LRRC34: variants seen among roughly 807,000 people sequenced by gnomAD.
LRRC34 encodes the protein leucine-rich repeat-containing protein 34.
LRRC34 carries 44 observed loss-of-function variants against 48.5 expected under a neutral mutation model. That is an observed-to-expected ratio of 0.91 (90% CI 0.71 to 1.17). The LOEUF (loss-of-function observed/expected upper bound fraction) is 1.17, where lower values mean the gene tolerates loss of function less well. Ranked by LOEUF, LRRC34 falls within the 50% of genes most tolerant of loss-of-function variation. The probability of loss-of-function intolerance (pLI) is 0.00; values close to 1 mark genes in which losing one functional copy is unlikely to be tolerated. For synonymous variants in LRRC34, 192 were observed against 197.6 expected (o/e 0.97, Z 0.24); for missense variants, 502 against 563.0 (o/e 0.89, Z 1.10).
intron 5 of LRRC34, among the ~76,000 whole-genome samples, chr3:169,804,844 C>T (rs1779319551): frequency 6.6e-6 from 1 of 152,156 alleles, no homozygotes; most frequent in Non-Finnish European, 1.5e-5. Context: ...GTATACAATT[C>T]AGTAGCATTT....
chr3:169,808,556 A>G (rs1306196434), intron 2 of LRRC34, 72 bp downstream of exon 2: 22 of 838,130 alleles, frequency 2.6e-5, no homozygotes, highest in Non-Finnish European at 3.9e-5. Flanking sequence ...AAATCACTCA[A>G]TATGTTAGGA....
In LRRC34 at chr3:169,806,934, A is replaced by G. The variant is rs532326368; in HGVS notation, c.445-3T>C. On this transcript the variant is annotated splice_region_variant and splice_polypyrimidine_tract_variant and intron_variant, in intron 4 of 10. Transcript: ENST00000446859. ...AAGTAAATGAGATTAAGTTGTTTCT[A>G]TAAGAGAAAAGAAGCTATTACACAT... 2 of 1,564,764 alleles carry G rather than the reference A, an allele frequency of 1.3e-6. No individual in the cohort carries two copies. The highest frequency in any genetic ancestry group is 1.7e-5 in the Admixed American group (1 of 58,926).
chr3:169,801,211 G>A (rs767328378), intron 6 of LRRC34, among the ~76,000 whole-genome samples: 1 of 152,104 alleles, frequency 6.6e-6, no homozygotes, highest in Non-Finnish European at 1.5e-5. Context: ...GACTGGAAGG[G>A]CCTAGTCTCC....
intron 2 of LRRC34, 73 bp from the exon 3 acceptor site, chr3:169,807,782 G>A (rs1002182548): frequency 4.3e-6 from 6 of 1,400,700 alleles, no homozygotes; most frequent in Non-Finnish European, 5.6e-6. Flanking sequence ...GTAAAAGTAT[G>A]TTTCCTTCAT....
At chr3:169,798,793 C>G (rs1450895079) in intron 7 of LRRC34, among the ~76,000 whole-genome samples, 3 of 152,104 alleles carry the variant, frequency 2.0e-5, no homozygotes, top group Non-Finnish European at 4.4e-5. Flanking sequence ...AATCTGAGAA[C>G]CTCCCTACCA....
At chr3:169,801,548 T>C (rs540287948) in intron 6 of LRRC34, among the ~76,000 whole-genome samples, 9 of 152,142 alleles carry the variant, frequency 5.9e-5, no homozygotes, top group Non-Finnish European at 1.2e-4. Flanking sequence ...CAGATTTCCA[T>C]GATTTGCTTT....
intron 1 of LRRC34, among the ~76,000 whole-genome samples, chr3:169,810,499 A>G (rs1779523337): frequency 2.0e-5 from 3 of 152,054 alleles, no homozygotes. Context: ...TCATGTGGAT[A>G]GATGTACGTA....
chr3:169,793,844 ATTTTTAGG>A lies in LRRC34; in HGVS notation c.1192-14_1192-7del. 1 of 1,588,050 alleles carries A rather than the reference ATTTTTAGG, an allele frequency of 6.3e-7. No homozygotes were observed. The highest frequency in any genetic ancestry group is 1.8e-5 in the Admixed American group (1 of 54,292). On this transcript the variant is annotated splice_region_variant and splice_polypyrimidine_tract_variant and intron_variant, in intron 10 of 10. Transcript: ENST00000446859. ...TGAATTAAGTCTGAATATGCCTAGG[ATTTTTAGG>A]AAAAAAACTATATCATTAAGAAAAA... is the stretch of plus-strand genomic sequence containing the variant.
At chr3:169,803,666 G>A (rs1039148090) in intron 6 of LRRC34, among the ~76,000 whole-genome samples, 1 of 152,018 alleles carries the variant, frequency 6.6e-6, no homozygotes, top group African/African-American at 2.4e-5. Context: ...TCCTCACCTC[G>A]GGTGATCCAC....
intron 6 of LRRC34, 103 bp downstream of exon 6, chr3:169,803,950 A>G: frequency 8.8e-7 from 1 of 1,135,470 alleles, no homozygotes; most frequent in East Asian, 2.7e-5. Flanking sequence ...CTTTTCTCTG[A>G]TATTAGACAT....
At chr3:169,805,532 G>A (rs1272074985) in intron 5 of LRRC34, among the ~76,000 whole-genome samples, 1 of 152,188 alleles carries the variant, frequency 6.6e-6, no homozygotes, top group Non-Finnish European at 1.5e-5. Context: ...AGGTTTGGAA[G>A]ACTTAAGATG....
At chr3:169,799,016 G>C (rs142989675) in intron 7 of LRRC34, among the ~76,000 whole-genome samples, 12 of 152,300 alleles carry the variant, frequency 7.9e-5, no homozygotes, top group African/African-American at 2.6e-4. Context: ...TGGTGTGAAT[G>C]AATCATGAGT....
rs2108223509 is a variant in LRRC34, at chr3:169,796,294, A to T, written c.984T>A (p.Asp328Glu). ...CATTTTCTATTCTGTTAAAGGAAAG[A>T]TCTATTACTTCCAGGGTAGTGTTGC... Reference protein sequence around the residue: ...LKSNTTLEVIDLSFNRIENAG... With the variant: ...LKSNTTLEVIELSFNRIENAG... Residue 328 changes from aspartate (D) to glutamate (E), a missense_variant, in exon 9 of 11, where the codon GAT becomes GAA. Physicochemically the swap from Asp to Glu is conservative, Grantham distance 45 (BLOSUM62 2). Transcript: ENST00000446859. 2 of 1,612,644 alleles carry T rather than the reference A, an allele frequency of 1.2e-6. No homozygotes were observed. The highest frequency in any genetic ancestry group is 2.2e-5 in the East Asian group (1 of 44,726).
chr3:169,799,511 G>A (rs914254958), intron 7 of LRRC34, among the ~76,000 whole-genome samples: 6 of 152,006 alleles, frequency 3.9e-5, no homozygotes, highest in African/African-American at 1.4e-4. Flanking sequence ...AAAAAATTTA[G>A]GTGGGCATGG....
At chr3:169,798,095 A>C (rs190034002) in intron 7 of LRRC34, among the ~76,000 whole-genome samples, 1 of 152,192 alleles carries the variant, frequency 6.6e-6, no homozygotes, top group Admixed American at 6.5e-5. Flanking sequence ...AAGGGATGCT[A>C]TGTAGTCTAG....
intron 5 of LRRC34, 37 bp downstream of exon 5, chr3:169,806,811 C>A: frequency 7.4e-7 from 1 of 1,358,508 alleles, no homozygotes; most frequent in South Asian, 1.3e-5. Flanking sequence ...TTAGAATTTC[C>A]AAATACAATG....
chr3:169,794,739 C>T (rs941961586), intron 10 of LRRC34: 2 of 152,062 alleles, frequency 1.3e-5, no homozygotes, highest in East Asian at 1.9e-4. Context: ...CATACAAATA[C>T]GTTGAACTGG....
intron 6 of LRRC34, among the ~76,000 whole-genome samples, chr3:169,802,886 A>G (rs1027497122): frequency 6.6e-6 from 1 of 152,042 alleles, no homozygotes; most frequent in Non-Finnish European, 1.5e-5. Context: ...CTGAGGCAGG[A>G]GAATTGTTTG....
chr3:169,802,458 T>C (rs1182904798), intron 6 of LRRC34, among the ~76,000 whole-genome samples: 1 of 152,194 alleles, frequency 6.6e-6, no homozygotes, highest in Non-Finnish European at 1.5e-5. Flanking sequence ...GCAGAATTAC[T>C]TCTCCCCATT....
Sources: gnomAD v4.1 joint callset for allele counts (sites outside exome capture counted in the v4.1 genomes callset) on GRCh38, gnomAD v4.1.1 for gene constraint, MANE v1.5 for transcripts, NCBI Gene and HGNC (gene_info 2026-07-23, HGNC 2026-07-21) for gene names.